Variants in DNAH2 observed in about 807,000 individuals in gnomAD.
DNAH2 encodes the protein axonemal beta dynein heavy chain 2.
Under a neutral mutation model 523.5 loss-of-function variants are expected in DNAH2, and 323 were observed. The ratio of observed to expected loss-of-function variants is 0.62; its 90% CI spans 0.56 to 0.68. DNAH2 has a LOEUF of 0.68. Ranked by LOEUF, DNAH2 falls within the 30% of genes least tolerant of loss-of-function variation. The pLI is 0.00. For synonymous variants in DNAH2, 2,093 were observed against 2,177.4 expected, an observed-to-expected ratio of 0.96 and a Z score of 1.08; for missense variants, 4,907 against 5,701.5, an observed-to-expected ratio of 0.86 and a Z score of 4.49.
intron 2 of DNAH2, among the ~76,000 whole-genome samples, chr17:7,723,258 CTG>C: frequency 7.5e-6 from 1 of 133,938 alleles, no homozygotes; most frequent in East Asian, 2.2e-4. Flanking sequence ...GTGTGAGCCA[CTG>C]TACCCGGCTT....
chr17:7,774,774 T>A lies in DNAH2; in HGVS notation c.4517T>A (p.Leu1506Ter). The A allele has an allele frequency of 1.2e-6, 2 of 1,614,058 alleles. No homozygotes were observed. ...TTCTTCCCAGGCCTCCTGGACACAT[T>A]GATAGAAATGAATACAATCCTGGAA... is the stretch of plus-strand genomic sequence containing the variant. ...STHHPGLLDT[L>*]IEMNTILEDI... is the part of the protein sequence containing the mutation. The change falls in exon 29 of 86, where the codon TTG (leucine) becomes TAG (stop). Residue 1506 changes from leucine (L) to a stop codon, truncating the protein, a stop_gained. Coordinates refer to ENST00000572933, the MANE Select transcript of DNAH2 (RefSeq NM_020877.5). LOFTEE classifies it high-confidence loss of function.
chr17:7,833,695 GAA>G lies in DNAH2; in HGVS notation c.*164_*165del, dbSNP rs763915724. The G allele has an allele frequency of 1.9e-5, 19 of 992,456 alleles. No homozygotes were observed. Among genetic ancestry groups the G allele is most frequent in the South Asian group, 1.8e-4 (13 of 72,488 alleles). 61.5% of individuals were successfully genotyped at this position (992,456 alleles called of 1,614,324 possible). ...ACCTAGTTGTGTTAGCCATAAAAGT[GAA>G]AGAGTTGTATTGGAGCTCAGTGCTG... On this transcript the variant is annotated 3_prime_UTR_variant, in exon 86 of 86. Transcript: ENST00000572933.
rs1161548818 is a variant in DNAH2 at position 7,833,433 on chromosome 17, G to A, written c.13184G>A (p.Arg4395Gln). The A allele has an allele frequency of 3.7e-6, 6 of 1,613,972 alleles. No individual in the cohort carries two copies. Among genetic ancestry groups the A allele is most frequent in the East Asian group, 2.2e-5 (1 of 44,874 alleles). ...CCCAACCGGGCAGGCAGCTCAGACCGAGCCTCCTTTGTCATCGGCATTGAC... is the reference window on the plus strand; with the variant it reads ...CCCAACCGGGCAGGCAGCTCAGACCAAGCCTCCTTTGTCATCGGCATTGAC... Reference protein sequence around the residue: ...YYPNRAGSSDRASFVIGIDLR... With the variant: ...YYPNRAGSSDQASFVIGIDLR... The change falls in exon 86 of 86, where the codon CGA (arginine) becomes CAA (glutamine). Residue 4395 changes from arginine to glutamine, a missense_variant. Physicochemically the swap from Arg to Gln is conservative, Grantham distance 43 (BLOSUM62 1). This residue lies in a region of DNAH2 where 1,851 missense variants were observed against 2,139.4 expected (regional missense o/e 0.87). Transcript: ENST00000572933.
intron 44 of DNAH2, among the ~76,000 whole-genome samples, chr17:7,790,068 G>T (rs144015145): frequency 6.6e-6 from 1 of 152,174 alleles, no homozygotes; most frequent in Non-Finnish European, 1.5e-5. Flanking sequence ...GAAGGATGCC[G>T]AGTTTGCTGT....
intron 48 of DNAH2, 44 bp from the exon 49 acceptor site, chr17:7,794,210 C>G: frequency 2.7e-6 from 4 of 1,484,290 alleles, no homozygotes; most frequent in Non-Finnish European, 3.7e-6. Context: ...CTCTCTTGCC[C>G]TCTCCCCTCC....
chr17:7,743,659 G>C, intron 12 of DNAH2: 2 of 323,150 alleles, frequency 6.2e-6, no homozygotes, highest in Non-Finnish European at 1.1e-5. Flanking sequence ...GAGTGACCCT[G>C]CCTCAAAAAC....
chr17:7,750,247 T>C (rs1435575170), intron 12 of DNAH2, among the ~76,000 whole-genome samples: 1 of 152,070 alleles, frequency 6.6e-6, no homozygotes. Context: ...ACCAATAAAA[T>C]CCCTTTGAGT....
intron 77 of DNAH2, among the ~76,000 whole-genome samples, chr17:7,825,094 A>G (rs865910618): frequency 6.6e-6 from 1 of 152,146 alleles, no homozygotes; most frequent in African/African-American, 2.4e-5. Flanking sequence ...TGGGTCCCCA[A>G]ATTCATTCTT....
intron 2 of DNAH2, among the ~76,000 whole-genome samples, chr17:7,720,528 C>T (rs999516152): frequency 3.3e-5 from 5 of 152,098 alleles, no homozygotes; most frequent in African/African-American, 9.7e-5. Flanking sequence ...GTGGGTGAGC[C>T]GGAGCCAGTA....
At position 7,754,941 on chromosome 17, in the gene DNAH2, T is replaced by A; in HGVS notation, c.1905-2150T>A. Reference sequence around the variant, plus strand: ...GCATGGGGCTGGGGTCCTCCTGCGCTATTGGTACAAATAAGCCTGAGGCAG... The same window carrying A: ...GCATGGGGCTGGGGTCCTCCTGCGCAATTGGTACAAATAAGCCTGAGGCAG... On this transcript the variant is annotated intron_variant, in intron 12 of 85. Transcript: ENST00000572933. The surrounding 1 kb of genome is among the most constrained non-coding windows in gnomAD (Gnocchi z 4.6). 2.2e-6 allele frequency: 1 copy of A among 449,578 alleles called. No individual in the cohort carries two copies. Among genetic ancestry groups the A allele is most frequent in the East Asian group, 3.4e-5 (1 of 29,522 alleles). 27.8% of individuals were successfully genotyped at this position (449,578 alleles called of 1,614,324 possible).
intron 12 of DNAH2, among the ~76,000 whole-genome samples, chr17:7,746,137 T>C (rs2075512480): frequency 6.6e-6 from 1 of 152,258 alleles, no homozygotes; most frequent in Non-Finnish European, 1.5e-5. Context: ...GAAGATAGTA[T>C]TTTCAAAACA....
Position 7,759,944 on chromosome 17 carries a change from TG to T in DNAH2, c.2785+9del, listed in dbSNP as rs2075958545. On this transcript the variant is annotated splice_region_variant and intron_variant, in intron 17 of 85. Transcript: ENST00000572933. ...ACCCATCCAAACAGTTGTGGGTGAG[TG>T]GGCAACGGGGAGGGCACAAGGCACA... The T allele has an allele frequency of 1.2e-6, 2 of 1,613,924 alleles. No homozygotes were observed. The highest frequency in any genetic ancestry group is 1.7e-6 in the Non-Finnish European group (2 of 1,179,978).
In DNAH2 at chr17:7,778,113, C is replaced by CA; in HGVS notation, c.5286dup (p.Phe1763IlefsTer4). On this transcript the variant is annotated frameshift_variant, in exon 34 of 86. Coordinates refer to ENST00000572933, the MANE Select transcript of DNAH2 (RefSeq NM_020877.5). LOFTEE classifies it high-confidence loss of function. ...CTGTGTCATCCGCCAGACCAACACGCAATTTCAGTATAATTATGAGTACTT... is the reference window on the plus strand; with the variant it reads ...CTGTGTCATCCGCCAGACCAACACGCAAATTTCAGTATAATTATGAGTACTT... The CA allele has an allele frequency of 1.2e-6, 2 of 1,614,178 alleles. No individual in the cohort carries two copies. The highest frequency in any genetic ancestry group is 8.5e-7 in the Non-Finnish European group (1 of 1,180,038).
intron 49 of DNAH2, among the ~76,000 whole-genome samples, chr17:7,795,495 A>C (rs997415574): frequency 6.6e-6 from 1 of 151,758 alleles, no homozygotes; most frequent in African/African-American, 2.4e-5. Flanking sequence ...CAACACGGGG[A>C]AACCCTGTCT....
intron 22 of DNAH2, 145 bp from the exon 23 acceptor site, chr17:7,767,755 G>A: frequency 2.0e-6 from 2 of 1,009,430 alleles, no homozygotes; most frequent in Non-Finnish European, 1.4e-6. Flanking sequence ...AGGCAACAGA[G>A]TGGAGAAAAA....
chr17:7,759,143 G>C lies in DNAH2; in HGVS notation c.2448+19G>C. On this transcript the variant is annotated intron_variant, in intron 15 of 85. Coordinates refer to ENST00000572933, the MANE Select transcript of DNAH2 (RefSeq NM_020877.5). Reference sequence around the variant, plus strand: ...TCCTGAGGTAGGGTTCCTGTGGCCAGGATGTTGTGGTTGGAAAAACCACAG... The same window carrying C: ...TCCTGAGGTAGGGTTCCTGTGGCCACGATGTTGTGGTTGGAAAAACCACAG... 1 of 1,611,712 alleles carries C rather than the reference G, an allele frequency of 6.2e-7. No homozygotes were observed. Among genetic ancestry groups the C allele is most frequent in the Non-Finnish European group, 8.5e-7 (1 of 1,178,698 alleles).
chr17:7,730,130 T>TA (rs563065510), intron 4 of DNAH2, among the ~76,000 whole-genome samples: 26,174 of 124,804 alleles, frequency 0.21, 2,873 homozygotes, highest in Middle Eastern at 0.36. Context: ...GGGATTCAAT[T>TA]AAAAAAAAAA....
At chr17:7,764,404 T>C (rs1457529406) in intron 20 of DNAH2, 131 bp downstream of exon 20, 2 of 1,092,936 alleles carry the variant, frequency 1.8e-6, no homozygotes, top group African/African-American at 1.6e-5. Flanking sequence ...AAGCCAAAGC[T>C]AGCTCAAATG....
chr17:7,774,977 G>T lies in DNAH2; in HGVS notation c.4719+1G>T. The T allele has an allele frequency of 6.2e-7, 1 of 1,613,370 alleles. No individual in the cohort carries two copies. The highest frequency in any genetic ancestry group is 8.5e-7 in the Non-Finnish European group (1 of 1,179,972). On this transcript the variant is annotated splice_donor_variant, in intron 29 of 85. Transcript: ENST00000572933. LOFTEE classifies it high-confidence loss of function. ...CATCAAGTTGCTGAGAATCCAGAAGGTCAGTAGAAGTGGCCACAGTGAGAT... is the reference window on the plus strand; with the variant it reads ...CATCAAGTTGCTGAGAATCCAGAAGTTCAGTAGAAGTGGCCACAGTGAGAT...
Sources: gnomAD v4.1 joint callset for allele counts (sites outside exome capture counted in the v4.1 genomes callset) on GRCh38, gnomAD v4.1.1 for gene constraint, gnomAD v4.1.1 regional missense constraint, Gnocchi (gnomAD v3.1) non-coding constraint, MANE v1.5 for transcripts, NCBI Gene and HGNC (gene_info 2026-07-23, HGNC 2026-07-21) for gene names.